Variants in SNTG2 observed in about 807,000 individuals in gnomAD.
The protein encoded by SNTG2 is gamma-2-syntrophin.
A neutral mutation model predicts 70.9 loss-of-function variants in SNTG2; 74 were observed. The observed-to-expected ratio is 1.04, with a 90% CI of 0.86 to 1.27. The LOEUF (loss-of-function observed/expected upper bound fraction) is 1.27, where lower values mean the gene tolerates loss of function less well. Among genes scored for constraint, SNTG2 ranks in the 50% most tolerant of loss-of-function variants. SNTG2 has a pLI of 0.00. For synonymous variants in SNTG2, 278 were observed against 273.8 expected (o/e 1.02, Z -0.15); for missense variants, 717 against 690.7 (o/e 1.04, Z -0.43).
intron 14 of SNTG2, among the ~76,000 whole-genome samples, chr2:1,302,523 C>T (rs561198694): frequency 1.2e-5 from 1 of 86,568 alleles, no homozygotes; most frequent in East Asian, 3.0e-4. Context: ...CAAAAAAATA[C>T]AGATAAATTG....
At chr2:1,005,406 C>G (rs1051146202) in intron 1 of SNTG2, among the ~76,000 whole-genome samples, 3 of 151,890 alleles carry the variant, frequency 2.0e-5, no homozygotes, top group Non-Finnish European at 4.4e-5. Flanking sequence ...AGGGGCTGTG[C>G]ACATGTGGGG....
chr2:1,282,710 C>CGCACTG (rs1458820152), intron 14 of SNTG2, among the ~76,000 whole-genome samples: 2 of 149,442 alleles, frequency 1.3e-5, no homozygotes, highest in Non-Finnish European at 3.0e-5. Flanking sequence ...CTGCCTCCCC[C>CGCACTG]GCACTGTGCA....
intron 1 of SNTG2, among the ~76,000 whole-genome samples, chr2:1,028,906 TTCTAGAG>T (rs891607311): frequency 2.6e-5 from 4 of 152,188 alleles, no homozygotes; most frequent in African/African-American, 9.6e-5. Flanking sequence ...ACCAGGCCAG[TTCTAGAG>T]TCTAGAGTTT....
At chr2:1,254,950 A>G (rs867793941) in intron 12 of SNTG2, among the ~76,000 whole-genome samples, 21 of 152,342 alleles carry the variant, frequency 1.4e-4, no homozygotes, top group Middle Eastern at 3.4e-3. Flanking sequence ...CCGGACATGC[A>G]AAATCATTCC....
At chr2:1,125,724 T>C (rs1348107184) in intron 4 of SNTG2, among the ~76,000 whole-genome samples, 1 of 135,640 alleles carries the variant, frequency 7.4e-6, no homozygotes, top group Non-Finnish European at 1.7e-5. Context: ...TTATTCTCAA[T>C]TGAGAAACTT....
chr2:1,292,221 C>T (rs1221728456), intron 14 of SNTG2, among the ~76,000 whole-genome samples: 1 of 151,672 alleles, frequency 6.6e-6, no homozygotes, highest in Non-Finnish European at 1.5e-5. Context: ...TTGCTTAATT[C>T]GTGTATTCAT....
At chr2:1,341,153 A>C (rs1234678909) in intron 16 of SNTG2, 1 of 152,158 alleles carries the variant, frequency 6.6e-6, no homozygotes, top group Non-Finnish European at 1.5e-5. Context: ...GGAGATGCTC[A>C]CAGGAGTTTC....
chr2:1,170,898 C>G (rs953406325), intron 7 of SNTG2, among the ~76,000 whole-genome samples: 1 of 152,074 alleles, frequency 6.6e-6, no homozygotes, highest in African/African-American at 2.4e-5. Context: ...TCTGGTGACT[C>G]TAGGCTCAAC....
chr2:1,304,274 A>G (rs904168025), intron 14 of SNTG2, among the ~76,000 whole-genome samples: 2 of 152,156 alleles, frequency 1.3e-5, no homozygotes, highest in African/African-American at 4.8e-5. Flanking sequence ...TTCCTTTTCC[A>G]GGCTGCTTGC....
chr2:1,316,318 GA>G lies in SNTG2; in HGVS notation c.1435del (p.Thr479LeufsTer3). 1.9e-6 allele frequency: 3 copies of G among 1,550,730 alleles called. No homozygotes were observed. The highest frequency in any genetic ancestry group is 2.6e-6 in the Non-Finnish European group (3 of 1,146,348). ...SQLKGSSDDGKTRVKLLFQNL... is the reference protein window; with the variant it reads ...SQLKGSSDDGXTRVKLLFQNL... ...AGCTTAAGGGATCTTCAGATGATGG[GA>G]AAACTCGAGTAAAGCTGCTGTTTCA... On this transcript the variant is annotated frameshift_variant, in exon 16 of 17. Coordinates refer to ENST00000308624, the MANE Select transcript of SNTG2 (RefSeq NM_018968.4). LOFTEE classifies it high-confidence loss of function.
chr2:1,087,703 A>G (rs1013785101), intron 2 of SNTG2, among the ~76,000 whole-genome samples: 3 of 152,254 alleles, frequency 2.0e-5, no homozygotes, highest in African/African-American at 7.2e-5. Flanking sequence ...TAATCGAGTC[A>G]GTCTCAAGCC....
At chr2:1,246,273 A>G (rs994070959) in intron 11 of SNTG2, among the ~76,000 whole-genome samples, 15 of 152,192 alleles carry the variant, frequency 9.9e-5, no homozygotes, top group Non-Finnish European at 5.9e-5. Context: ...TGCTAGAAAT[A>G]CCGTTTGTAG....
At chr2:1,004,003 A>G (rs1358055512) in intron 1 of SNTG2, among the ~76,000 whole-genome samples, 2 of 152,194 alleles carry the variant, frequency 1.3e-5, no homozygotes, top group African/African-American at 2.4e-5. Context: ...CATGACCTGA[A>G]TTACTTCATT....
chr2:989,701 G>A (rs574618449), intron 1 of SNTG2, among the ~76,000 whole-genome samples: 14 of 152,236 alleles, frequency 9.2e-5, no homozygotes, highest in African/African-American at 2.6e-4. Flanking sequence ...ATTATAAAAC[G>A]AGTTGGAACA....
chr2:1,178,478 T>C (rs892858452), intron 8 of SNTG2, among the ~76,000 whole-genome samples: 3 of 152,186 alleles, frequency 2.0e-5, no homozygotes, highest in African/African-American at 7.2e-5. Context: ...ATATGTCCCA[T>C]CAATACCTAA....
intron 16 of SNTG2, among the ~76,000 whole-genome samples, chr2:1,327,735 T>C (rs1020607370): frequency 6.6e-6 from 1 of 152,370 alleles, no homozygotes; most frequent in Non-Finnish European, 1.5e-5. Flanking sequence ...CAGTTGTTTT[T>C]ATTAAACAAA....
intron 16 of SNTG2, among the ~76,000 whole-genome samples, chr2:1,349,935 G>T (rs1440593356): frequency 6.6e-6 from 1 of 152,172 alleles, no homozygotes; most frequent in Non-Finnish European, 1.5e-5. Context: ...CTCAGGTCTT[G>T]TCAACATTTG....
intron 8 of SNTG2, among the ~76,000 whole-genome samples, chr2:1,181,061 C>G (rs1572663783): frequency 6.6e-6 from 1 of 151,940 alleles, no homozygotes; most frequent in East Asian, 1.9e-4. Flanking sequence ...ACTCTGGGGA[C>G]TGTAGTGGGG....
rs373267217 is a variant in SNTG2 at position 961,229 on chromosome 2, C to T, written c.72+10161C>T. ...TTATTTTATTTTTTTATTTTTGAGA[C>T]GGTGTCTTGCTCTGTTACCCAGGCT... On this transcript the variant is annotated intron_variant, in intron 1 of 16. Transcript: ENST00000308624. Among the ~76,000 whole-genome samples, 265 of 152,148 alleles carry T rather than the reference C, an allele frequency of 1.7e-3. 6 individuals are homozygous for T. In the South Asian group the frequency reaches 0.05, roughly 29 times the overall value.
Sources: allele counts gnomAD v4.1 joint callset (sites outside exome capture counted in the v4.1 genomes callset), GRCh38; gene constraint gnomAD v4.1.1; transcripts MANE v1.5; gene names NCBI Gene and HGNC (gene_info 2026-07-23, HGNC 2026-07-21).